Variants in RGS7 observed in about 807,000 individuals in gnomAD.
The protein encoded by RGS7 is regulator of G-protein signaling 7.
Under a neutral mutation model 81.1 loss-of-function variants are expected in RGS7, and 27 were observed. That is an observed-to-expected ratio of 0.33 (90% CI 0.25 to 0.46). The LOEUF (loss-of-function observed/expected upper bound fraction) is 0.46. Ranked by LOEUF, RGS7 falls within the 20% of genes least tolerant of loss-of-function variation. RGS7 has a pLI of 1.00. For missense variants in RGS7, 396 were observed against 607.4 expected, an observed-to-expected ratio of 0.65 and a Z score of 3.66; for synonymous variants, 208 against 207.7, an observed-to-expected ratio of 1.00 and a Z score of -0.01.
intron 6 of RGS7, among the ~76,000 whole-genome samples, chr1:240,902,324 C>G (rs1279599793): frequency 1.3e-5 from 2 of 152,256 alleles, no homozygotes; most frequent in African/African-American, 2.4e-5. Context: ...CTGTGAAGAG[C>G]TAATCTCATG....
chr1:241,220,913 G>GGAAAGGAA (rs150100442), intron 2 of RGS7, among the ~76,000 whole-genome samples: 1 of 146,270 alleles, frequency 6.8e-6, no homozygotes, highest in Non-Finnish European at 1.5e-5. Context: ...AAGGAAGAAA[G>GGAAAGGAA]GAAAGGAAGA....
At chr1:240,782,621 T>C (rs1684318862) in intron 18 of RGS7, among the ~76,000 whole-genome samples, 1 of 151,790 alleles carries the variant, frequency 6.6e-6, no homozygotes, top group South Asian at 2.1e-4. Context: ...GAGGTCTCAT[T>C]ATGTCATCCA....
chr1:241,269,963 T>C (rs1433214968), intron 2 of RGS7, among the ~76,000 whole-genome samples: 1 of 152,206 alleles, frequency 6.6e-6, no homozygotes, highest in Non-Finnish European at 1.5e-5. Flanking sequence ...TGAACCTCAT[T>C]ACTTTTGGCA....
At chr1:240,778,903 AAAGAG>A (rs1683449789) in intron 18 of RGS7, among the ~76,000 whole-genome samples, 1 of 152,146 alleles carries the variant, frequency 6.6e-6, no homozygotes, top group Admixed American at 6.6e-5. Flanking sequence ...AACAACAATA[AAAGAG>A]AAAACAGTTT....
chr1:240,933,040 G>GC (rs1455753157), intron 5 of RGS7, among the ~76,000 whole-genome samples: 44 of 147,792 alleles, frequency 3.0e-4, no homozygotes, highest in African/African-American at 1.0e-3. Flanking sequence ...CCCGCACCAC[G>GC]CCCGGCTAAT....
intron 2 of RGS7, among the ~76,000 whole-genome samples, chr1:241,222,997 TC>T (rs1260869586): frequency 6.6e-6 from 1 of 152,196 alleles, no homozygotes; most frequent in African/African-American, 2.4e-5. Context: ...CATGAACTCA[TC>T]CTTTTTGATG....
intron 2 of RGS7, among the ~76,000 whole-genome samples, chr1:241,304,302 T>C (rs986159501): frequency 1.3e-5 from 2 of 152,088 alleles, no homozygotes; most frequent in African/African-American, 2.4e-5. Context: ...AGTGTGAAAA[T>C]AGAGAAATAA....
intron 2 of RGS7, among the ~76,000 whole-genome samples, chr1:241,151,482 C>T (rs765208654): frequency 1.3e-5 from 2 of 151,620 alleles, no homozygotes; most frequent in Non-Finnish European, 2.9e-5. Context: ...TCCTAAACAA[C>T]CAGGAGAGGA....
chr1:241,304,720 C>T (rs1265389950), intron 2 of RGS7, among the ~76,000 whole-genome samples: 10 of 152,102 alleles, frequency 6.6e-5, no homozygotes, highest in Non-Finnish European at 1.5e-5. Context: ...TTTTGAAAGA[C>T]AGCAGTGGAC....
At chr1:240,929,871 C>T (rs1192928967) in intron 6 of RGS7, among the ~76,000 whole-genome samples, 1 of 152,214 alleles carries the variant, frequency 6.6e-6, no homozygotes, top group Non-Finnish European at 1.5e-5. Context: ...ATATATCACT[C>T]TCCTATTCAC....
At chr1:240,968,942 T>A (rs969302534) in intron 4 of RGS7, among the ~76,000 whole-genome samples, 1 of 152,162 alleles carries the variant, frequency 6.6e-6, no homozygotes, top group African/African-American at 2.4e-5. Context: ...TCATTCCTCA[T>A]CTGGGAAATA....
chr1:241,302,045 G>A (rs1421444640), intron 2 of RGS7, among the ~76,000 whole-genome samples: 2 of 152,166 alleles, frequency 1.3e-5, no homozygotes, highest in African/African-American at 4.8e-5. Context: ...CATTAAATGG[G>A]GCCCTTATTA....
At chr1:240,843,764 A>T (rs1658549313) in intron 9 of RGS7, among the ~76,000 whole-genome samples, 2 of 152,194 alleles carry the variant, frequency 1.3e-5, no homozygotes, top group African/African-American at 2.4e-5. Context: ...TTTTAATTTA[A>T]TTGTCTTTCT....
chr1:241,247,661 T>A (rs2076612326), intron 2 of RGS7, among the ~76,000 whole-genome samples: 1 of 151,902 alleles, frequency 6.6e-6, no homozygotes, highest in African/African-American at 2.4e-5. Flanking sequence ...TGGATTTAAC[T>A]AGAATAACCT....
At chr1:241,153,174 T>G (rs543479848) in intron 2 of RGS7, among the ~76,000 whole-genome samples, 1 of 152,328 alleles carries the variant, frequency 6.6e-6, no homozygotes, top group East Asian at 1.9e-4. Context: ...GTTCATTTTG[T>G]AAGATAGAAA....
At chr1:240,937,115 C>G (rs897157020) in intron 4 of RGS7, among the ~76,000 whole-genome samples, 1 of 152,128 alleles carries the variant, frequency 6.6e-6, no homozygotes, top group Non-Finnish European at 1.5e-5. Flanking sequence ...CCTAATTAGC[C>G]ATATTCAATT....
chr1:241,265,742 C>CAGCCAA (rs999976596), intron 2 of RGS7, among the ~76,000 whole-genome samples: 8 of 149,798 alleles, frequency 5.3e-5, no homozygotes, highest in African/African-American at 1.7e-4. Flanking sequence ...AAAATATTAG[C>CAGCCAA]AGCCAAGTCA....
At chr1:240,929,156 C>T (rs2148337425) in intron 6 of RGS7, among the ~76,000 whole-genome samples, 1 of 152,300 alleles carries the variant, frequency 6.6e-6, no homozygotes, top group East Asian at 1.9e-4. Context: ...GTGGTTATGA[C>T]AGTATTTATG....
intron 2 of RGS7, among the ~76,000 whole-genome samples, chr1:241,343,882 C>T (rs1370516738): frequency 6.6e-6 from 1 of 151,072 alleles, no homozygotes; most frequent in South Asian, 2.1e-4. Flanking sequence ...AATAGAAAAA[C>T]AAAAAAAAGA....
Sources: allele counts gnomAD v4.1 joint callset (sites outside exome capture counted in the v4.1 genomes callset), GRCh38; gene constraint gnomAD v4.1.1; transcripts MANE v1.5; gene names NCBI Gene and HGNC (gene_info 2026-07-23, HGNC 2026-07-21).